The following ZNF487 variants were observed in gnomAD, a reference collection of about 807,000 sequenced individuals.
ZNF487 encodes zinc finger protein 487, also known as KRAB domain only 1.
ZNF487 carries 4 observed loss-of-function variants against 3.0 expected under a neutral mutation model. The ratio of observed to expected loss-of-function variants is 1.35; its 90% CI spans 0.66 to 3.08. The LOEUF is 3.08. Ranked by LOEUF, ZNF487 falls within the 30% of genes most tolerant of loss-of-function variation. The pLI is 0.01. For synonymous variants in ZNF487, 55 were observed against 34.6 expected (o/e 1.59, Z -2.06); for missense variants, 146 against 98.7 (o/e 1.48, Z -2.03).
At chr10:43,451,621 A>C (rs1353708172) in intron 1 of ZNF487, among the ~76,000 whole-genome samples, 1 of 150,576 alleles carries the variant, frequency 6.6e-6, no homozygotes, top group African/African-American at 2.5e-5. Flanking sequence ...GCTGGAGTGC[A>C]ATGGCGTGAT....
rs766082889 is a variant in ZNF487 at position 43,481,951 on chromosome 10, G to A, written c.*29G>A. ...TAATGAACATGTGAGAGCCTTTTCC[G>A]ATAGACCAATATTCATTGTTCATCA... On this transcript the variant is annotated 3_prime_UTR_variant, in exon 4 of 4. Transcript: ENST00000437590. 13 of 616,474 alleles carry A rather than the reference G, an allele frequency of 2.1e-5. No homozygotes were observed. Among genetic ancestry groups the A allele is most frequent in the South Asian group, 1.5e-4 (8 of 52,096 alleles). 38.2% of individuals were successfully genotyped at this position (616,474 alleles called of 1,614,324 possible). A position where few individuals can be genotyped will look rare whatever the true frequency, so the allele number is the denominator to read the frequency against.
At chr10:43,523,532 T>G in the ZNF487 span, 1 of 152,240 alleles carries the variant, frequency 6.6e-6, no homozygotes, top group Non-Finnish European at 1.5e-5. Flanking sequence ...TCATATGACA[T>G]GAGCATCCTT....
chr10:43,508,874 A>T, the ZNF487 span, among the ~76,000 whole-genome samples: 1 of 151,328 alleles, frequency 6.6e-6, no homozygotes, highest in East Asian at 2.0e-4. Flanking sequence ...AAAATTAAAT[A>T]AAATAGTTAA....
intron 1 of ZNF487, among the ~76,000 whole-genome samples, chr10:43,457,558 G>GAA (rs1023956426): frequency 0.025 from 3,433 of 136,892 alleles, 65 homozygotes; most frequent in Non-Finnish European, 0.038. Flanking sequence ...CTGTCTTGGG[G>GAA]AAAAAAAAAA....
intron 1 of ZNF487, among the ~76,000 whole-genome samples, chr10:43,443,732 A>C (rs2132037866): frequency 6.6e-6 from 1 of 151,630 alleles, no homozygotes; most frequent in South Asian, 2.1e-4. Flanking sequence ...TATGTCACCT[A>C]GGGTGGTCTC....
intron 3 of ZNF487, among the ~76,000 whole-genome samples, chr10:43,479,969 TCTTTTCTTTCTTTCC>T (rs1422714118): frequency 7.1e-5 from 3 of 42,128 alleles, no homozygotes; most frequent in Non-Finnish European, 1.4e-4. Flanking sequence ...TTTCTTTCTT[TCTTTTCTTTCTTTCC>T]TTCTTTCTTT....
Position 43,482,525 on chromosome 10 carries a change from T to C in ZNF487, c.*603T>C. The C allele has an allele frequency of 2.0e-6, 1 of 491,452 alleles. No individual in the cohort carries two copies. 30.4% of individuals were successfully genotyped at this position (491,452 alleles called of 1,614,324 possible). A position where few individuals can be genotyped will look rare whatever the true frequency, so the allele number is the denominator to read the frequency against. On this transcript the variant is annotated 3_prime_UTR_variant, in exon 4 of 4. Coordinates refer to ENST00000437590, the MANE Select transcript of ZNF487 (RefSeq NM_001355444.3). ...GTAATGAATGTGGAAAAAACTTCTG[T>C]GAGAAGTCAAATCTTCATGTACATC... is the stretch of plus-strand genomic sequence containing the variant.
the ZNF487 span, among the ~76,000 whole-genome samples, chr10:43,514,210 G>A: frequency 6.6e-6 from 1 of 151,976 alleles, no homozygotes; most frequent in Non-Finnish European, 1.5e-5. Flanking sequence ...GTGTGATCTC[G>A]ACTCACTGCA....
chr10:43,465,878 T>G (rs1255556686), intron 1 of ZNF487, among the ~76,000 whole-genome samples: 1 of 152,174 alleles, frequency 6.6e-6, no homozygotes, highest in African/African-American at 2.4e-5. Context: ...ATCACGCCAC[T>G]GCACTCCAGC....
At chr10:43,454,793 T>C (rs980410343) in intron 1 of ZNF487, 1 of 152,082 alleles carries the variant, frequency 6.6e-6, no homozygotes, top group African/African-American at 2.4e-5. Context: ...TCTACACCTA[T>C]TCCAATGGGC....
At chr10:43,476,669 T>G (rs764061684) in intron 3 of ZNF487, among the ~76,000 whole-genome samples, 31 of 152,082 alleles carry the variant, frequency 2.0e-4, no homozygotes, top group Admixed American at 2.6e-4. Flanking sequence ...AGTCAGTAGT[T>G]TAATAAACAC....
chr10:43,490,507 T>TTTG, the ZNF487 span, among the ~76,000 whole-genome samples: 4 of 115,440 alleles, frequency 3.5e-5, no homozygotes, highest in African/African-American at 1.3e-4. Context: ...CTACTTTTTT[T>TTTG]TTTTTTTTTT....
the ZNF487 span, among the ~76,000 whole-genome samples, chr10:43,497,802 C>T: frequency 1.3e-5 from 2 of 151,364 alleles, no homozygotes; most frequent in African/African-American, 4.9e-5. Flanking sequence ...CCCATCTCTA[C>T]TAAAAATACA....
intron 1 of ZNF487, among the ~76,000 whole-genome samples, chr10:43,455,733 G>A (rs1306969449): frequency 6.6e-6 from 1 of 152,232 alleles, no homozygotes; most frequent in Non-Finnish European, 1.5e-5. Context: ...CAAAGAGCAC[G>A]CCGAGCCCGC....
At chr10:43,473,441 T>A (rs1456877307) in intron 1 of ZNF487, among the ~76,000 whole-genome samples, 1 of 152,088 alleles carries the variant, frequency 6.6e-6, no homozygotes, top group Non-Finnish European at 1.5e-5. Context: ...TTTCTTTTTA[T>A]TAGAGGAGTT....
At chr10:43,513,092 C>A in the ZNF487 span, among the ~76,000 whole-genome samples, 1 of 152,218 alleles carries the variant, frequency 6.6e-6, no homozygotes, top group Non-Finnish European at 1.5e-5. Flanking sequence ...AGCATAATAT[C>A]ATCAATGTAA....
At chr10:43,455,469 C>T (rs1840152097) in intron 1 of ZNF487, among the ~76,000 whole-genome samples, 1 of 152,262 alleles carries the variant, frequency 6.6e-6, no homozygotes, top group Admixed American at 6.5e-5. Context: ...GTTCGCTCGC[C>T]TTTCCATGCC....
At chr10:43,523,867 A>G in the ZNF487 span, 1 of 152,082 alleles carries the variant, frequency 6.6e-6, no homozygotes, top group Non-Finnish European at 1.5e-5. Flanking sequence ...CTAAATAAAC[A>G]CCATGGAGGA....
chr10:43,473,354 AGAG>A (rs1463863444), intron 1 of ZNF487, among the ~76,000 whole-genome samples: 2 of 152,128 alleles, frequency 1.3e-5, no homozygotes, highest in Non-Finnish European at 2.9e-5. Flanking sequence ...TGCTGAGACT[AGAG>A]GTGTGAGCCA....
Sources: allele counts gnomAD v4.1 joint callset (sites outside exome capture counted in the v4.1 genomes callset), GRCh38; gene constraint gnomAD v4.1.1; transcripts MANE v1.5; gene names NCBI Gene and HGNC (gene_info 2026-07-23, HGNC 2026-07-21).